The following RUNDC3B variants were observed in gnomAD, a reference collection of about 807,000 sequenced individuals.
RUNDC3B encodes the protein RUN domain-containing protein 3B.
RUNDC3B carries 33 observed loss-of-function variants against 58.4 expected under a neutral mutation model. That is an observed-to-expected ratio of 0.56 (90% CI 0.43 to 0.75). The LOEUF is 0.75. Ranked by LOEUF, RUNDC3B falls within the 30% of genes least tolerant of loss-of-function variation. The pLI, the probability that RUNDC3B is intolerant of heterozygous loss-of-function variation, is 0.00. For synonymous variants in RUNDC3B, 193 were observed against 195.2 expected (o/e 0.99, Z 0.10); for missense variants, 501 against 535.7 (o/e 0.94, Z 0.64).
intron 2 of RUNDC3B, among the ~76,000 whole-genome samples, chr7:87,680,749 C>T (rs1373446676): frequency 6.7e-6 from 1 of 149,542 alleles, no homozygotes; most frequent in Non-Finnish European, 1.5e-5. Flanking sequence ...GAGCCAAGAT[C>T]GCGCCATTGC....
At chr7:87,653,670 G>A (rs1039061805) in intron 2 of RUNDC3B, among the ~76,000 whole-genome samples, 5 of 151,700 alleles carry the variant, frequency 3.3e-5, no homozygotes, top group Admixed American at 2.0e-4. Context: ...TTTTTCAAAT[G>A]CGAGCCTAAT....
chr7:87,642,983 A>G (rs990926844), intron 1 of RUNDC3B, among the ~76,000 whole-genome samples: 3 of 152,012 alleles, frequency 2.0e-5, no homozygotes, highest in Admixed American at 6.5e-5. Flanking sequence ...ACGCATGACC[A>G]TAGCCCACTG....
intron 2 of RUNDC3B, among the ~76,000 whole-genome samples, chr7:87,667,045 A>G (rs975701518): frequency 5.3e-5 from 8 of 152,286 alleles, no homozygotes; most frequent in Middle Eastern, 3.4e-3. Flanking sequence ...TGGTAGTTTG[A>G]TAGGAATAGC....
chr7:87,706,487 G>A (rs1829597446), intron 3 of RUNDC3B, among the ~76,000 whole-genome samples: 1 of 152,104 alleles, frequency 6.6e-6, no homozygotes, highest in Admixed American at 6.6e-5. Flanking sequence ...TTGTATCAGA[G>A]GGACCTACTG....
chr7:87,743,403 T>C (rs934588978), intron 6 of RUNDC3B, among the ~76,000 whole-genome samples: 9 of 152,210 alleles, frequency 5.9e-5, no homozygotes, highest in Non-Finnish European at 1.2e-4. Flanking sequence ...CTGTTTTCCA[T>C]AGTGGCTGTA....
At chr7:87,724,976 A>G (rs6962731) in intron 4 of RUNDC3B, among the ~76,000 whole-genome samples, 1,931 of 152,180 alleles carry the variant, frequency 0.013, 41 homozygotes, top group African/African-American at 0.044. Flanking sequence ...TAATAAATTA[A>G]TTTTCATATC....
At chr7:87,647,177 A>G (rs1376159724) in intron 1 of RUNDC3B, among the ~76,000 whole-genome samples, 1 of 152,230 alleles carries the variant, frequency 6.6e-6, no homozygotes, top group Non-Finnish European at 1.5e-5. Flanking sequence ...CAAGAATGCC[A>G]TAGGGTGGCA....
In RUNDC3B at chr7:87,830,509, G is replaced by A. The variant is rs943892804; in HGVS notation, c.*479G>A. The stretch of plus-strand genomic sequence containing the variant: ...TCTTCCTAAGTTCTATGCTTTAAAT[G>A]CCTTGTTTTTAATAACGGGAAAGTT... On this transcript the variant is annotated 3_prime_UTR_variant, in exon 11 of 11. Transcript: ENST00000394654. 2.0e-5 allele frequency: 3 copies of A among 148,172 alleles called. No homozygotes were observed. Among genetic ancestry groups the A allele is most frequent in the African/African-American group, 7.5e-5 (3 of 40,192 alleles). The allele number at this position is 148,172 out of a possible 1,614,324, so 9.2% of individuals were successfully genotyped here.
At chr7:87,678,771 G>T (rs1826627924) in intron 2 of RUNDC3B, among the ~76,000 whole-genome samples, 1 of 152,112 alleles carries the variant, frequency 6.6e-6, no homozygotes, top group Non-Finnish European at 1.5e-5. Flanking sequence ...AAAAAAGTTG[G>T]AGTAGATTTA....
chr7:87,719,742 A>G (rs546669940), intron 4 of RUNDC3B, among the ~76,000 whole-genome samples: 1 of 151,986 alleles, frequency 6.6e-6, no homozygotes, highest in Non-Finnish European at 1.5e-5. Flanking sequence ...TTTGTAATGC[A>G]TAGCTCTGGG....
chr7:87,727,593 T>C (rs972069167), intron 4 of RUNDC3B, among the ~76,000 whole-genome samples: 1 of 152,172 alleles, frequency 6.6e-6, no homozygotes, highest in African/African-American at 2.4e-5. Context: ...CTACATTTTT[T>C]TCCCAGATGA....
At chr7:87,639,174 A>AT (rs1251347941) in intron 1 of RUNDC3B, among the ~76,000 whole-genome samples, 13 of 151,846 alleles carry the variant, frequency 8.6e-5, no homozygotes, top group African/African-American at 2.7e-4. Flanking sequence ...AAAAAAAAAA[A>AT]AATCTATTGT....
intron 3 of RUNDC3B, chr7:87,709,265 T>C: frequency 2.0e-6 from 2 of 985,412 alleles, no homozygotes; most frequent in African/African-American, 3.5e-5. Flanking sequence ...GAATTGTCTC[T>C]GGAGAGCAAC....
In RUNDC3B at chr7:87,739,858, G is replaced by A; in HGVS notation, c.526G>A (p.Gly176Arg). ...AAATATGCTTGCTGGCATGCTTCTAGGACTCAATGCTATTGATTTCAGGTA... is the reference window on the plus strand; with the variant it reads ...AAATATGCTTGCTGGCATGCTTCTAAGACTCAATGCTATTGATTTCAGGTA... Reference protein sequence around the residue: ...EANMLAGMLLGLNAIDFSFCL... With the variant: ...EANMLAGMLLRLNAIDFSFCL... Residue 176 changes from glycine to arginine, a missense_variant, in exon 5 of 11, where the codon GGA becomes AGA. Transcript: ENST00000394654. The A allele has an allele frequency of 6.3e-7, 1 of 1,578,194 alleles. No individual in the cohort carries two copies. The highest frequency in any genetic ancestry group is 8.7e-7 in the Non-Finnish European group (1 of 1,153,334).
intron 6 of RUNDC3B, among the ~76,000 whole-genome samples, chr7:87,767,949 A>G (rs1563196344): frequency 6.6e-6 from 1 of 152,158 alleles, no homozygotes; most frequent in Non-Finnish European, 1.5e-5. Flanking sequence ...ACTACCAACA[A>G]AATAACCCAA....
intron 2 of RUNDC3B, among the ~76,000 whole-genome samples, chr7:87,669,742 T>A (rs1825645639): frequency 6.6e-6 from 1 of 152,236 alleles, no homozygotes; most frequent in African/African-American, 2.4e-5. Context: ...TCACTTTGGC[T>A]GTATATGAAA....
intron 4 of RUNDC3B, among the ~76,000 whole-genome samples, chr7:87,717,283 A>G (rs1830602657): frequency 6.6e-6 from 1 of 152,190 alleles, no homozygotes; most frequent in African/African-American, 2.4e-5. Flanking sequence ...TAATAAAAAT[A>G]CAAATTATAA....
chr7:87,786,163 A>T (rs1351271469), intron 8 of RUNDC3B, among the ~76,000 whole-genome samples: 1 of 152,126 alleles, frequency 6.6e-6, no homozygotes, highest in Non-Finnish European at 1.5e-5. Flanking sequence ...CTAATTGGCC[A>T]TCTTGTCCCC....
chr7:87,668,780 AT>A (rs1315647558), intron 2 of RUNDC3B, among the ~76,000 whole-genome samples: 4 of 152,060 alleles, frequency 2.6e-5, no homozygotes, highest in Non-Finnish European at 5.9e-5. Flanking sequence ...GTGTGATTGC[AT>A]GGTTCTGAGT....
Sources: gnomAD v4.1 joint callset for allele counts (sites outside exome capture counted in the v4.1 genomes callset) on GRCh38, gnomAD v4.1.1 for gene constraint, MANE v1.5 for transcripts, NCBI Gene and HGNC (gene_info 2026-07-23, HGNC 2026-07-21) for gene names.